The following PWWP3A variants were observed in gnomAD, a reference collection of about 807,000 sequenced individuals.
PWWP3A encodes the protein PWWP domain-containing DNA repair factor 3A.
Under a neutral mutation model 79.0 loss-of-function variants are expected in PWWP3A, and 53 were observed. The ratio of observed to expected loss-of-function variants is 0.67; its 90% CI spans 0.54 to 0.84. PWWP3A has a LOEUF of 0.84. Among genes scored for constraint, PWWP3A ranks in the 40% least tolerant of loss-of-function variants. The probability of loss-of-function intolerance (pLI) is 0.00; values close to 1 mark genes in which losing one functional copy is unlikely to be tolerated. For synonymous variants in PWWP3A, 443 were observed against 394.4 expected (o/e 1.12, Z -1.46); for missense variants, 973 against 948.0 (o/e 1.03, Z -0.35).
At chr19:1,372,976 C>T in intron 12 of PWWP3A, 96 bp from the exon 13 acceptor site, 1 of 986,020 alleles carries the variant, frequency 1.0e-6, no homozygotes. Flanking sequence ...AGGCTGGAAC[C>T]TGGTGACCCA....
At chr19:1,359,950 G>T in intron 4 of PWWP3A, 186 bp from the exon 5 acceptor site, 1 of 553,888 alleles carries the variant, frequency 1.8e-6, no homozygotes. Context: ...GGAATGAATA[G>T]CTGTCGTTCT....
rs1308179690 is a variant in PWWP3A at position 1,369,032 on chromosome 19, C to T, written c.1423-233C>T. 2 of 511,216 alleles carry T rather than the reference C, an allele frequency of 3.9e-6. No individual in the cohort carries two copies. The highest frequency in any genetic ancestry group is 7.1e-6 in the Non-Finnish European group (2 of 281,146). The allele number at this position is 511,216 out of a possible 1,614,324, so 31.7% of individuals were successfully genotyped here. A position where few individuals can be genotyped will look rare whatever the true frequency, so the allele number is the denominator to read the frequency against. On this transcript the variant is annotated intron_variant, in intron 9 of 13. Coordinates refer to ENST00000591337, the MANE Select transcript of PWWP3A (RefSeq NM_001369789.1). The surrounding 1 kb of genome is among the most constrained non-coding windows in gnomAD (Gnocchi z 4.0). ...GCCCAAGCCATCGGGTCCCCGGTGC[C>T]CACCATTTGAGCAGCTCAGGGCCCA...
chr19:1,375,699 T>TTTATA lies in PWWP3A; in HGVS notation c.2076-819_2076-818insTATAT, dbSNP rs2082371203. 2.6e-5 allele frequency among the ~76,000 whole-genome samples: 3 copies of TTTATA among 115,994 alleles called. No homozygotes were observed. The Admixed American group carries it at 3.0e-4, about 12-fold the overall frequency. The allele number at this position is 115,994 out of a possible 152,430, so 76.1% of individuals were successfully genotyped here. A position where few individuals can be genotyped will look rare whatever the true frequency, so the allele number is the denominator to read the frequency against. ...ACAATTTTATAATATATAAAACAATTTAATATATAATATATATAAAGTATG... is the reference window on the plus strand; with the variant it reads ...ACAATTTTATAATATATAAAACAATTTTATATAATATATAATATATATAAAGTATG... On this transcript the variant is annotated intron_variant, in intron 13 of 13. Coordinates refer to ENST00000591337, the MANE Select transcript of PWWP3A (RefSeq NM_001369789.1).
In PWWP3A at chr19:1,360,347, C is replaced by CGT; in HGVS notation, c.429_430dup (p.Leu144CysfsTer87). The stretch of plus-strand genomic sequence containing the variant: ...ACTCCTCATCTCTTCCCCGCGGAGA[C>CGT]GTGTTGGGCAGTTCCAGACCTCACA... On this transcript the variant is annotated frameshift_variant, in exon 5 of 14. Coordinates refer to ENST00000591337, the MANE Select transcript of PWWP3A (RefSeq NM_001369789.1). LOFTEE classifies it high-confidence loss of function. The surrounding 1 kb of genome is among the most constrained non-coding windows in gnomAD (Gnocchi z 4.4). 1 of 1,614,070 alleles carries CGT rather than the reference C, an allele frequency of 6.2e-7. No homozygotes were observed. Among genetic ancestry groups the CGT allele is most frequent in the East Asian group, 2.2e-5 (1 of 44,880 alleles).
chr19:1,361,100 A>T, intron 5 of PWWP3A, 68 bp downstream of exon 5: 1 of 1,345,580 alleles, frequency 7.4e-7, no homozygotes, highest in Non-Finnish European at 9.6e-7. Flanking sequence ...CCAGACTGGG[A>T]GCCAGGCACG....
At chr19:1,361,835 C>T (rs2082022665) in intron 5 of PWWP3A, 1 of 173,920 alleles carries the variant, frequency 5.7e-6, no homozygotes, top group Admixed American at 5.5e-5. Context: ...GGCCCCCTCC[C>T]TGCGTATCCG....
At chr19:1,376,343 ACAGGGTTTCACCGTGTTAGC>A (rs2144785042) in intron 13 of PWWP3A, among the ~76,000 whole-genome samples, 156 bp from the exon 14 acceptor site, 1 of 110,722 alleles carries the variant, frequency 9.0e-6, no homozygotes, top group Non-Finnish European at 1.8e-5. Context: ...TTTTGTAGAG[ACAGGGTTTCACCGTGTTAGC>A]CAGGATGGTC....
intron 13 of PWWP3A, among the ~76,000 whole-genome samples, chr19:1,376,294 T>TTTTA (rs2082393079): frequency 1.1e-5 from 1 of 92,838 alleles, no homozygotes; most frequent in African/African-American, 4.9e-5. Context: ...CCCGGCTGTT[T>TTTTA]GTTTTTTTTT....
intron 9 of PWWP3A, among the ~76,000 whole-genome samples, chr19:1,367,823 C>T (rs1045946560): frequency 5.9e-5 from 9 of 152,218 alleles, no homozygotes; most frequent in African/African-American, 2.2e-4. Context: ...TTTGTTGTGG[C>T]GACTTCCAGC....
chr19:1,358,873 CA>C, intron 4 of PWWP3A: 1 of 412,198 alleles, frequency 2.4e-6, no homozygotes, highest in Non-Finnish European at 4.8e-6. Flanking sequence ...GTTTGAGAAG[CA>C]GTTGGTTGTG....
intron 12 of PWWP3A, 76 bp downstream of exon 12, chr19:1,371,154 T>C: frequency 4.0e-6 from 6 of 1,490,694 alleles, no homozygotes; most frequent in Non-Finnish European, 5.5e-6. Flanking sequence ...ACGAGGAGGC[T>C]GCCACGGTCC....
intron 13 of PWWP3A, among the ~76,000 whole-genome samples, chr19:1,374,770 A>T (rs1487738964): frequency 6.6e-6 from 1 of 152,146 alleles, no homozygotes; most frequent in African/African-American, 2.4e-5. Flanking sequence ...AGTCAGTCAC[A>T]GTGGCTCATG....
chr19:1,358,427 A>G lies in PWWP3A; in HGVS notation c.177A>G (p.Leu59=). ...IKVKSTEVEI[L]EKSQIEAIAS... is the part of the protein sequence containing the mutation. Reference sequence around the variant, plus strand: ...TGAAAAGCACTGAAGTTGAGATCCTAGAGAAGTCTCAAATTGAAGCCATTG... The same window carrying G: ...TGAAAAGCACTGAAGTTGAGATCCTGGAGAAGTCTCAAATTGAAGCCATTG... The change falls in exon 4 of 14, where the codon CTA becomes CTG. Residue 59 remains leucine, a synonymous_variant. Coordinates refer to ENST00000591337, the MANE Select transcript of PWWP3A (RefSeq NM_001369789.1). 1 of 1,614,184 alleles carries G rather than the reference A, an allele frequency of 6.2e-7. No homozygotes were observed. The highest frequency in any genetic ancestry group is 8.5e-7 in the Non-Finnish European group (1 of 1,180,024).
intron 13 of PWWP3A, among the ~76,000 whole-genome samples, chr19:1,376,180 C>T (rs1258444477): frequency 3.5e-5 from 5 of 142,532 alleles, no homozygotes; most frequent in African/African-American, 1.3e-4. Flanking sequence ...GGCTGGAGTA[C>T]AATGGCATGA....
intron 6 of PWWP3A, among the ~76,000 whole-genome samples, chr19:1,363,088 C>T (rs751291472): frequency 3.0e-4 from 45 of 152,330 alleles, no homozygotes; most frequent in Non-Finnish European, 5.7e-4. Context: ...GCTTCTCACC[C>T]GGGCTTCCCC....
chr19:1,355,352 G>C (rs910855592), intron 1 of PWWP3A, among the ~76,000 whole-genome samples: 8 of 151,696 alleles, frequency 5.3e-5, no homozygotes, highest in African/African-American at 1.9e-4. Context: ...CTGCCGCCCG[G>C]ACCCCATCTC....
chr19:1,359,712 C>T (rs1163936932), intron 4 of PWWP3A: 1 of 155,538 alleles, frequency 6.4e-6, no homozygotes, highest in African/African-American at 2.4e-5. Context: ...TACCACCAAC[C>T]CCTGCACCAA....
At chr19:1,370,133 C>G (rs2082219245) in intron 11 of PWWP3A, among the ~76,000 whole-genome samples, 1 of 152,138 alleles carries the variant, frequency 6.6e-6, no homozygotes, top group Non-Finnish European at 1.5e-5. Flanking sequence ...ACTCGGGAGG[C>G]AGAGGTGGGA....
chr19:1,361,142 G>A (rs1212818411), intron 5 of PWWP3A, 110 bp downstream of exon 5: 4 of 1,133,798 alleles, frequency 3.5e-6, no homozygotes, highest in African/African-American at 3.3e-5. Context: ...TAATGAGATC[G>A]TTGCCAAAAT....
Sources: gnomAD v4.1 joint callset for allele counts (sites outside exome capture counted in the v4.1 genomes callset) on GRCh38, gnomAD v4.1.1 for gene constraint, Gnocchi (gnomAD v3.1) non-coding constraint, MANE v1.5 for transcripts, NCBI Gene and HGNC (gene_info 2026-07-23, HGNC 2026-07-21) for gene names.